Variants in TNKS2 observed in about 807,000 individuals in gnomAD.
The protein encoded by TNKS2 is tankyrase 2, also known as poly [ADP-ribose] polymerase tankyrase-2.
A neutral mutation model predicts 137.6 loss-of-function variants in TNKS2; 72 were observed. That is an observed-to-expected ratio of 0.52 (90% CI 0.43 to 0.64). TNKS2 has a LOEUF of 0.64. Ranked by LOEUF, TNKS2 falls within the 30% of genes least tolerant of loss-of-function variation. The pLI, the probability that TNKS2 is intolerant of heterozygous loss-of-function variation, is 0.00. For synonymous variants in TNKS2, 516 were observed against 512.1 expected (o/e 1.01, Z -0.10); for missense variants, 1,049 against 1,410.2 (o/e 0.74, Z 4.10).
At chr10:91,811,602 C>T (rs1189823543) in intron 1 of TNKS2, among the ~76,000 whole-genome samples, 2 of 152,026 alleles carry the variant, frequency 1.3e-5, no homozygotes, top group Admixed American at 6.6e-5. Context: ...AATGTTAAAA[C>T]AAAACAAAAA....
chr10:91,861,852 A>T, intron 25 of TNKS2, 147 bp from the exon 26 acceptor site: 1 of 640,682 alleles, frequency 1.6e-6, no homozygotes, highest in Non-Finnish European at 2.5e-6. Flanking sequence ...AGACATTCTT[A>T]AAAAGTTCTT....
At chr10:91,816,219 A>G (rs1031729498) in intron 2 of TNKS2, among the ~76,000 whole-genome samples, 1 of 152,112 alleles carries the variant, frequency 6.6e-6, no homozygotes, top group Admixed American at 6.6e-5. Context: ...AAGTGCTGAG[A>G]TTACAGGCGT....
chr10:91,833,920 C>T lies in TNKS2; in HGVS notation c.1343C>T (p.Thr448Ile). 6.2e-7 allele frequency: 1 copy of T among 1,613,938 alleles called. No individual in the cohort carries two copies. The highest frequency in any genetic ancestry group is 8.5e-7 in the Non-Finnish European group (1 of 1,179,900). The change falls in exon 12 of 27, where the codon ACC (threonine) becomes ATC (isoleucine). Residue 448 changes from threonine (T) to isoleucine (I), a missense_variant. By Grantham distance (89) the Thr-to-Ile change is moderately conservative (BLOSUM62 -1). Around this residue, in one of 6 missense-constraint regions of TNKS2, gnomAD observed 328 missense variants for 436.0 expected, o/e 0.75. Transcript: ENST00000371627. The part of the protein sequence containing the change: ...HRAAYCGHLQ[T>I]CRLLLSYGCD... ...GCTGCATATTGTGGTCATCTACAAA[C>T]CTGCCGCCTACTCCTGAGCTATGGG...
intron 9 of TNKS2, among the ~76,000 whole-genome samples, chr10:91,829,386 A>G (rs369975153): frequency 6.6e-6 from 1 of 152,178 alleles, no homozygotes; most frequent in African/African-American, 2.4e-5. Flanking sequence ...AAAGACTGAC[A>G]TGGAAAATTC....
At chr10:91,847,448 T>G (rs1212396058) in intron 18 of TNKS2, among the ~76,000 whole-genome samples, 1 of 152,192 alleles carries the variant, frequency 6.6e-6, no homozygotes, top group Non-Finnish European at 1.5e-5. Flanking sequence ...CACTGCAACC[T>G]CCGCCTCCCA....
At chr10:91,842,112 C>A in intron 15 of TNKS2, 60 bp from the exon 16 acceptor site, 1 of 1,213,712 alleles carries the variant, frequency 8.2e-7, no homozygotes, top group Non-Finnish European at 1.2e-6. Context: ...ACTATTTTCT[C>A]ATTGACCAAA....
At chr10:91,802,345 T>A (rs1345158654) in intron 1 of TNKS2, among the ~76,000 whole-genome samples, 4 of 152,234 alleles carry the variant, frequency 2.6e-5, no homozygotes, top group Non-Finnish European at 5.9e-5. Flanking sequence ...GTTATCGTCT[T>A]CACATATGTG....
chr10:91,845,623 AAG>A (rs1400988169), intron 17 of TNKS2, 127 bp from the exon 18 acceptor site: 5 of 669,860 alleles, frequency 7.5e-6, no homozygotes, highest in Middle Eastern at 3.6e-4. Context: ...GTTGGGGAGA[AAG>A]AGTTTTTCTT....
At chr10:91,836,747 G>A (rs994457390) in intron 12 of TNKS2, 172 bp from the exon 13 acceptor site, 2 of 985,252 alleles carry the variant, frequency 2.0e-6, no homozygotes, top group Admixed American at 1.2e-4. Flanking sequence ...AGTTTTAAGA[G>A]AATCTTATTT....
intron 11 of TNKS2, among the ~76,000 whole-genome samples, chr10:91,831,783 A>G (rs1390182788): frequency 6.6e-6 from 1 of 152,220 alleles, no homozygotes; most frequent in Non-Finnish European, 1.5e-5. Flanking sequence ...AGTAAAAGAT[A>G]TACATAGCAT....
intron 1 of TNKS2, among the ~76,000 whole-genome samples, chr10:91,803,329 A>C (rs1407843150): frequency 6.6e-6 from 1 of 152,070 alleles, no homozygotes; most frequent in Non-Finnish European, 1.5e-5. Flanking sequence ...CCTGGGCAAC[A>C]ATGGTGACAC....
At chr10:91,819,402 T>G in intron 4 of TNKS2, 80 bp from the exon 5 acceptor site, 1 of 1,431,472 alleles carries the variant, frequency 7.0e-7, no homozygotes, top group Non-Finnish European at 9.4e-7. Context: ...AAAAAGAATT[T>G]TTTTTTAATG....
intron 6 of TNKS2, among the ~76,000 whole-genome samples, chr10:91,821,236 C>T (rs919705990): frequency 6.6e-6 from 1 of 151,840 alleles, no homozygotes; most frequent in African/African-American, 2.4e-5. Context: ...CAAGGTTTTG[C>T]CGTGTTGGCC....
chr10:91,837,520 C>T (rs1295787221), intron 13 of TNKS2, among the ~76,000 whole-genome samples: 1 of 152,170 alleles, frequency 6.6e-6, no homozygotes, highest in African/African-American at 2.4e-5. Context: ...AAGAGTCTTC[C>T]CCAGAGTAAC....
At position 91,819,961 on chromosome 10, in the gene TNKS2, C is replaced by A; in HGVS notation, c.656C>A (p.Ala219Glu). The stretch of plus-strand genomic sequence containing the variant: ...CAGTCAACTCCATTACATTTGGCAG[C>A]AGGATATAACAGAGTAAAGATTGTA... Reference protein sequence around the residue: ...GRKSTPLHLAAGYNRVKIVQL... With the variant: ...GRKSTPLHLAEGYNRVKIVQL... The change falls in exon 6 of 27, where the codon GCA (alanine) becomes GAA (glutamate). Residue 219 changes from alanine (A) to glutamate (E), a missense_variant. Ala to Glu is a moderately radical substitution (Grantham distance 107). Coordinates refer to ENST00000371627, the MANE Select transcript of TNKS2 (RefSeq NM_025235.4). 1.3e-6 allele frequency: 2 copies of A among 1,576,504 alleles called. No homozygotes were observed. The highest frequency in any genetic ancestry group is 8.6e-7 in the Non-Finnish European group (1 of 1,163,052).
At chr10:91,838,734 C>G (rs1842113126) in intron 13 of TNKS2, among the ~76,000 whole-genome samples, 1 of 152,182 alleles carries the variant, frequency 6.6e-6, no homozygotes, top group Non-Finnish European at 1.5e-5. Context: ...TTTACCAGGA[C>G]AATGATTAAA....
intron 19 of TNKS2, 34 bp downstream of exon 19, chr10:91,848,669 G>T (rs1284581013): frequency 6.2e-7 from 1 of 1,607,560 alleles, no homozygotes; most frequent in Non-Finnish European, 8.5e-7. Flanking sequence ...TTTCTAACTG[G>T]TATTGTAGCC....
At chr10:91,850,454 C>G (rs1386751427) in intron 20 of TNKS2, among the ~76,000 whole-genome samples, 1 of 151,050 alleles carries the variant, frequency 6.6e-6, no homozygotes. Flanking sequence ...CACGGTGGCT[C>G]ATGCCTGTAA....
At chr10:91,802,682 T>C (rs189113770) in intron 1 of TNKS2, among the ~76,000 whole-genome samples, 53 of 152,380 alleles carry the variant, frequency 3.5e-4, no homozygotes, top group South Asian at 1.4e-3. Context: ...ATGATAACCA[T>C]TGGAGACCTC....
Sources: allele counts gnomAD v4.1 joint callset (sites outside exome capture counted in the v4.1 genomes callset), GRCh38; gene constraint gnomAD v4.1.1; regional missense constraint gnomAD v4.1.1; transcripts MANE v1.5; gene names NCBI Gene and HGNC (gene_info 2026-07-23, HGNC 2026-07-21).